Variants in ASIC2 observed in about 807,000 individuals in gnomAD.
ASIC2 encodes the protein acid sensing ion channel subunit 2.
In ASIC2, 25 loss-of-function variants were observed where a neutral mutation model predicts 57.3. That is an observed-to-expected ratio of 0.44 (90% CI 0.32 to 0.61). The LOEUF (loss-of-function observed/expected upper bound fraction) is 0.61, where lower values mean the gene tolerates loss of function less well. Ranked by LOEUF, ASIC2 falls within the 20% of genes least tolerant of loss-of-function variation. ASIC2 has a pLI of 0.06. For missense variants in ASIC2, 641 were observed against 738.1 expected, an observed-to-expected ratio of 0.87 and a Z score of 1.52; for synonymous variants, 319 against 307.5, an observed-to-expected ratio of 1.04 and a Z score of -0.39.
At chr17:33,592,022 A>G (rs2142005208) in intron 1 of ASIC2, among the ~76,000 whole-genome samples, 1 of 152,278 alleles carries the variant, frequency 6.6e-6, no homozygotes, top group Non-Finnish European at 1.5e-5. Context: ...ATAATGTGCA[A>G]AGTTTCCCAT....
chr17:34,139,884 A>T (rs941386835), intron 1 of ASIC2, among the ~76,000 whole-genome samples: 1 of 152,238 alleles, frequency 6.6e-6, no homozygotes, highest in Non-Finnish European at 1.5e-5. Context: ...TGTACACTTT[A>T]TATGGGTGAA....
chr17:33,436,681 C>T (rs1011879251), intron 1 of ASIC2, among the ~76,000 whole-genome samples: 1 of 152,066 alleles, frequency 6.6e-6, no homozygotes, highest in African/African-American at 2.4e-5. Flanking sequence ...TCAGTCCTTT[C>T]ACTCAGCTGC....
At chr17:33,597,170 G>A (rs776473091) in intron 1 of ASIC2, among the ~76,000 whole-genome samples, 14 of 152,214 alleles carry the variant, frequency 9.2e-5, no homozygotes, top group Non-Finnish European at 4.4e-5. Flanking sequence ...CCTGTTGACT[G>A]TTCCCAGAAA....
chr17:34,090,962 A>AT (rs1910310041), intron 1 of ASIC2, among the ~76,000 whole-genome samples: 1 of 152,332 alleles, frequency 6.6e-6, no homozygotes, highest in East Asian at 1.9e-4. Flanking sequence ...TGACATGTAA[A>AT]TACTGGACTA....
intron 1 of ASIC2, among the ~76,000 whole-genome samples, chr17:33,495,414 C>T (rs775505652): frequency 2.0e-5 from 3 of 152,220 alleles, no homozygotes; most frequent in Non-Finnish European, 2.9e-5. Context: ...TCGTTATTCT[C>T]ATCTTCTCGG....
chr17:33,462,317 C>G (rs1365427948), intron 1 of ASIC2, among the ~76,000 whole-genome samples: 1 of 152,180 alleles, frequency 6.6e-6, no homozygotes, highest in Non-Finnish European at 1.5e-5. Flanking sequence ...TAGATGTAGC[C>G]ATGGGACTAA....
intron 1 of ASIC2, among the ~76,000 whole-genome samples, chr17:33,244,384 T>A (rs1908618429): frequency 6.6e-6 from 1 of 152,230 alleles, no homozygotes; most frequent in Non-Finnish European, 1.5e-5. Flanking sequence ...AATCCTGATT[T>A]ACATCATTTG....
chr17:33,956,096 A>G (rs1378246515), intron 1 of ASIC2, among the ~76,000 whole-genome samples: 1 of 152,164 alleles, frequency 6.6e-6, no homozygotes, highest in Non-Finnish European at 1.5e-5. Flanking sequence ...CCTGACACAT[A>G]GTAGGGCTCA....
In ASIC2 at chr17:33,360,297, G is replaced by C. The variant is rs116317342; in HGVS notation, c.556-248230C>G. On this transcript the variant is annotated intron_variant, in intron 1 of 9. Transcript: ENST00000359872. ...CCAGCTTGCAAGAACGGCAACTGTA[G>C]TGAAGGTAGAATTTGAATGACTGAA... is the stretch of plus-strand genomic sequence containing the variant. Among the ~76,000 whole-genome samples, 652 of 152,346 alleles carry C rather than the reference G, an allele frequency of 4.3e-3. 5 individuals are homozygous for C. The highest frequency in any genetic ancestry group is 0.015 in the African/African-American group (607 of 41,580).
At chr17:33,493,317 T>C (rs1913818404) in intron 1 of ASIC2, among the ~76,000 whole-genome samples, 1 of 152,210 alleles carries the variant, frequency 6.6e-6, no homozygotes, top group Non-Finnish European at 1.5e-5. Flanking sequence ...ATCTTCCCTT[T>C]AAAAGTTTTG....
intron 1 of ASIC2, among the ~76,000 whole-genome samples, chr17:33,187,895 G>T (rs1323741643): frequency 7.1e-6 from 1 of 141,314 alleles, no homozygotes; most frequent in Admixed American, 7.2e-5. Context: ...AATCAAAAAT[G>T]GTCAGGGATG....
chr17:33,878,025 C>T (rs900964812), intron 1 of ASIC2, among the ~76,000 whole-genome samples: 1 of 152,206 alleles, frequency 6.6e-6, no homozygotes, highest in Non-Finnish European at 1.5e-5. Context: ...CAGCGAACTC[C>T]AACAGACCTG....
At chr17:33,343,497 G>T (rs981952822) in intron 1 of ASIC2, among the ~76,000 whole-genome samples, 1 of 152,136 alleles carries the variant, frequency 6.6e-6, no homozygotes, top group South Asian at 2.1e-4. Flanking sequence ...TTTCGCATGT[G>T]TCCAAATCTT....
intron 1 of ASIC2, among the ~76,000 whole-genome samples, chr17:33,866,220 C>T (rs1914233841): frequency 1.3e-5 from 2 of 152,160 alleles, no homozygotes; most frequent in South Asian, 4.1e-4. Context: ...TTTTGGTACA[C>T]TTACAAGACA....
intron 1 of ASIC2, among the ~76,000 whole-genome samples, chr17:34,054,230 C>T (rs765160720): frequency 7.2e-5 from 11 of 152,302 alleles, no homozygotes; most frequent in Non-Finnish European, 1.0e-4. Flanking sequence ...TCATTACATG[C>T]GTCCCTTTCC....
chr17:33,612,268 G>A (rs1296499336), intron 1 of ASIC2, among the ~76,000 whole-genome samples: 2 of 152,098 alleles, frequency 1.3e-5, no homozygotes, highest in Non-Finnish European at 2.9e-5. Flanking sequence ...GCACCCTGTG[G>A]CCCAATGAAG....
intron 1 of ASIC2, among the ~76,000 whole-genome samples, chr17:33,968,164 A>G (rs1905126156): frequency 6.6e-6 from 1 of 152,100 alleles, no homozygotes; most frequent in Non-Finnish European, 1.5e-5. Context: ...ATGTTGCCAG[A>G]GCGAGTGGCA....
At chr17:33,103,045 A>C (rs2092219534) in intron 2 of ASIC2, among the ~76,000 whole-genome samples, 1 of 152,198 alleles carries the variant, frequency 6.6e-6, no homozygotes, top group Admixed American at 6.5e-5. Context: ...GGCCTCCCAA[A>C]GTGCTGGTAT....
intron 1 of ASIC2, among the ~76,000 whole-genome samples, chr17:33,881,263 C>T (rs1255733135): frequency 6.6e-6 from 1 of 152,038 alleles, no homozygotes; most frequent in Non-Finnish European, 1.5e-5. Context: ...CTGGCCAGGG[C>T]AATCAGGCAG....
Sources: gnomAD v4.1 joint callset for allele counts (sites outside exome capture counted in the v4.1 genomes callset) on GRCh38, gnomAD v4.1.1 for gene constraint, MANE v1.5 for transcripts, NCBI Gene and HGNC (gene_info 2026-07-23, HGNC 2026-07-21) for gene names.